The following RCAN2 variants were observed in gnomAD, a reference collection of about 807,000 sequenced individuals.
RCAN2 encodes the protein regulator of calcineurin 2.
A neutral mutation model predicts 23.6 loss-of-function variants in RCAN2; 9 were observed. The ratio of observed to expected loss-of-function variants is 0.38; its 90% confidence interval spans 0.23 to 0.67. The LOEUF is 0.67. Ranked by LOEUF, RCAN2 falls within the 30% of genes least tolerant of loss-of-function variation. The pLI is 0.51. For missense variants in RCAN2, 273 were observed against 302.3 expected (o/e 0.90, Z 0.72); for synonymous variants, 109 against 115.7 (o/e 0.94, Z 0.37).
intron 2 of RCAN2, among the ~76,000 whole-genome samples, chr6:46,386,415 A>G (rs1427127321): frequency 2.0e-5 from 3 of 151,596 alleles, no homozygotes; most frequent in African/African-American, 7.3e-5. Flanking sequence ...CCTGGCCAAC[A>G]TGGCAAAACC....
chr6:46,429,759 T>C (rs1216140325), intron 2 of RCAN2, among the ~76,000 whole-genome samples: 1 of 152,070 alleles, frequency 6.6e-6, no homozygotes, highest in Non-Finnish European at 1.5e-5. Context: ...AAGAAATGGA[T>C]CATTCATGCT....
At chr6:46,363,872 G>C (rs976130296) in intron 2 of RCAN2, among the ~76,000 whole-genome samples, 1 of 152,156 alleles carries the variant, frequency 6.6e-6, no homozygotes, top group East Asian at 1.9e-4. Flanking sequence ...GTTAAAGCCA[G>C]GTTAAAGGAG....
chr6:46,283,787 T>G (rs1762277488), intron 2 of RCAN2, among the ~76,000 whole-genome samples: 1 of 152,232 alleles, frequency 6.6e-6, no homozygotes. Context: ...TCTTTACTAC[T>G]GCAATTAAAT....
At chr6:46,491,119 C>T (rs1192508822) in intron 1 of RCAN2, 54 bp downstream of exon 1, 1 of 151,092 alleles carries the variant, frequency 6.6e-6, no homozygotes, top group Non-Finnish European at 1.5e-5. Flanking sequence ...TGCTGTCAGC[C>T]CCGGCGGGAC....
At chr6:46,340,547 G>C (rs1764283559) in intron 2 of RCAN2, among the ~76,000 whole-genome samples, 2 of 152,238 alleles carry the variant, frequency 1.3e-5, no homozygotes, top group South Asian at 4.1e-4. Flanking sequence ...CTGACCTTGG[G>C]AGCGAAGTGT....
chr6:46,227,077 G>T (rs2150304313), intron 4 of RCAN2, among the ~76,000 whole-genome samples: 1 of 152,298 alleles, frequency 6.6e-6, no homozygotes, highest in South Asian at 2.1e-4. Context: ...CTATTTATAT[G>T]ATGGATTATG....
chr6:46,426,555 A>G (rs140575494), intron 2 of RCAN2, among the ~76,000 whole-genome samples: 46 of 152,342 alleles, frequency 3.0e-4, no homozygotes, highest in African/African-American at 9.9e-4. Flanking sequence ...ATATTTTTGA[A>G]TGAGAGGAAC....
chr6:46,323,875 T>C (rs1237886657), intron 2 of RCAN2, among the ~76,000 whole-genome samples: 1 of 152,234 alleles, frequency 6.6e-6, no homozygotes, highest in African/African-American at 2.4e-5. Flanking sequence ...AGATCTCCAA[T>C]AAATATTTTC....
chr6:46,276,003 C>T (rs1213615174), intron 2 of RCAN2, among the ~76,000 whole-genome samples: 5 of 152,026 alleles, frequency 3.3e-5, no homozygotes, highest in Admixed American at 6.6e-5. Context: ...GTCAGGAGTT[C>T]GAGACCAGCT....
intron 2 of RCAN2, among the ~76,000 whole-genome samples, chr6:46,436,017 A>T (rs973315344): frequency 2.0e-5 from 3 of 152,208 alleles, no homozygotes; most frequent in African/African-American, 7.2e-5. Flanking sequence ...GAGATAGAAA[A>T]TGCACTTTCT....
chr6:46,424,053 C>T (rs143731234), intron 2 of RCAN2, among the ~76,000 whole-genome samples: 272 of 152,282 alleles, frequency 1.8e-3, no homozygotes, highest in Non-Finnish European at 3.3e-3. Flanking sequence ...TCCCAGCAGC[C>T]CTGCCTCTGA....
intron 2 of RCAN2, among the ~76,000 whole-genome samples, chr6:46,383,000 G>A (rs1023681186): frequency 7.9e-5 from 12 of 152,140 alleles, no homozygotes; most frequent in African/African-American, 2.7e-4. Flanking sequence ...TGCTGTGTGG[G>A]CAAAGGACAG....
intron 2 of RCAN2, among the ~76,000 whole-genome samples, chr6:46,442,319 G>T (rs1767572474): frequency 6.6e-6 from 1 of 152,202 alleles, no homozygotes; most frequent in Admixed American, 6.5e-5. Context: ...CACGATGGTT[G>T]TGTCTTTGTG....
intron 2 of RCAN2, among the ~76,000 whole-genome samples, chr6:46,302,238 T>C (rs1178813652): frequency 1.3e-5 from 2 of 152,084 alleles, no homozygotes; most frequent in Admixed American, 6.6e-5. Context: ...TACAGTTTCC[T>C]GAAATGGAGA....
chr6:46,482,360 T>C (rs554374526), intron 1 of RCAN2, among the ~76,000 whole-genome samples: 8 of 152,218 alleles, frequency 5.3e-5, no homozygotes, highest in Non-Finnish European at 8.8e-5. Flanking sequence ...CCTAGGATCA[T>C]TGAGAGAGGT....
At chr6:46,305,981 T>A (rs1034306394) in intron 2 of RCAN2, among the ~76,000 whole-genome samples, 1 of 150,994 alleles carries the variant, frequency 6.6e-6, no homozygotes, top group Non-Finnish European at 1.5e-5. Flanking sequence ...TGAGCCAAGG[T>A]GCTCAGTACA....
chr6:46,473,618 C>T (rs1038885954), intron 1 of RCAN2, among the ~76,000 whole-genome samples: 1 of 152,112 alleles, frequency 6.6e-6, no homozygotes, highest in Admixed American at 6.5e-5. Flanking sequence ...GGGTTTATAA[C>T]CTCAGTAGTA....
intron 2 of RCAN2, among the ~76,000 whole-genome samples, chr6:46,354,102 C>A (rs1373216030): frequency 6.6e-6 from 1 of 152,086 alleles, no homozygotes; most frequent in East Asian, 1.9e-4. Context: ...ATGTCAGTCA[C>A]TTTAATCCTG....
chr6:46,262,335 C>T (rs1340811359), intron 2 of RCAN2, among the ~76,000 whole-genome samples: 1 of 152,156 alleles, frequency 6.6e-6, no homozygotes, highest in Non-Finnish European at 1.5e-5. Context: ...CGTCTCCCAT[C>T]AGCCCCCTGT....
Sources: allele counts gnomAD v4.1 joint callset (sites outside exome capture counted in the v4.1 genomes callset), GRCh38; gene constraint gnomAD v4.1.1; transcripts MANE v1.5; gene names NCBI Gene and HGNC (gene_info 2026-07-23, HGNC 2026-07-21).